B3GALNT2: variants seen among roughly 807,000 people sequenced by gnomAD.
B3GALNT2 encodes UDP-GalNAc:beta-1,3-N-acetylgalactosaminyltransferase 2.
In B3GALNT2, 53 loss-of-function variants were observed where a neutral mutation model predicts 61.1. The observed-to-expected ratio is 0.87, with a 90% CI of 0.70 to 1.09. The LOEUF is 1.09. Ranked by LOEUF, B3GALNT2 falls within the 50% of genes least tolerant of loss-of-function variation. B3GALNT2 has a pLI of 0.00. For synonymous variants in B3GALNT2, 223 were observed against 237.4 expected, an observed-to-expected ratio of 0.94 and a Z score of 0.56; for missense variants, 544 against 623.0, an observed-to-expected ratio of 0.87 and a Z score of 1.35.
chr1:235,474,963 ATATATATATATATATATATATATAT>A (rs1281653147), intron 5 of B3GALNT2, among the ~76,000 whole-genome samples: 2 of 23,418 alleles, frequency 8.5e-5, no homozygotes, highest in Non-Finnish European at 1.5e-4. Flanking sequence ...ATATATATAT[ATATATATATATATATATATATATAT>A]TTTTTTTTTT....
At position 235,450,197 on chromosome 1, in the gene B3GALNT2, A is replaced by G; in HGVS notation, c.*9T>C. Reference sequence around the variant, plus strand: ...CCCTGATTTTAGACTCTGCTAATTCAAGTCCCTGTTATCTTGCTTGACATC... The same window carrying G: ...CCCTGATTTTAGACTCTGCTAATTCGAGTCCCTGTTATCTTGCTTGACATC... On this transcript the variant is annotated 3_prime_UTR_variant, in exon 12 of 12. Transcript: ENST00000366600. 6.2e-7 allele frequency: 1 copy of G among 1,614,086 alleles called. No homozygotes were observed.
At chr1:235,494,132 AT>A (rs1685201852) in intron 2 of B3GALNT2, among the ~76,000 whole-genome samples, 1 of 152,242 alleles carries the variant, frequency 6.6e-6, no homozygotes, top group Admixed American at 6.5e-5. Context: ...ACTGAAAAAA[AT>A]TAAATTTATC....
chr1:235,474,979 ATATATATATTTT>A (rs1485932794), intron 5 of B3GALNT2, among the ~76,000 whole-genome samples: 42 of 33,620 alleles, frequency 1.2e-3, no homozygotes, highest in African/African-American at 7.4e-3. Flanking sequence ...ATATATATAT[ATATATATATTTT>A]TTTTTTTTTT....
intron 1 of B3GALNT2, among the ~76,000 whole-genome samples, chr1:235,500,327 T>TA (rs1230326551): frequency 6.6e-6 from 1 of 152,124 alleles, no homozygotes; most frequent in East Asian, 1.9e-4. Flanking sequence ...ACGCAGTCTC[T>TA]ACTAATAATA....
downstream of B3GALNT2, among the ~76,000 whole-genome samples, chr1:235,447,000 A>AACTT (rs1170145823): frequency 7.2e-5 from 11 of 152,216 alleles, no homozygotes; most frequent in South Asian, 1.9e-3. Flanking sequence ...TTTATGACCA[A>AACTT]ACTTTTTGTT....
At chr1:235,488,421 T>C (rs1211608536) in intron 3 of B3GALNT2, among the ~76,000 whole-genome samples, 1 of 152,028 alleles carries the variant, frequency 6.6e-6, no homozygotes, top group Non-Finnish European at 1.5e-5. Context: ...TGGTGGCTCA[T>C]GCCTGTAATC....
chr1:235,478,229 T>G (rs1572527031), intron 5 of B3GALNT2, among the ~76,000 whole-genome samples: 2 of 152,116 alleles, frequency 1.3e-5, no homozygotes, highest in Non-Finnish European at 2.9e-5. Flanking sequence ...ATTTTTGTAT[T>G]TTTAGTAGAG....
chr1:235,471,969 TAA>T (rs58278357), intron 5 of B3GALNT2, among the ~76,000 whole-genome samples: 65 of 142,130 alleles, frequency 4.6e-4, no homozygotes, highest in Non-Finnish European at 4.5e-4. Flanking sequence ...TGCCTGAATT[TAA>T]AAAAAAAAAA....
chr1:235,441,552 C>T, the B3GALNT2 span: 1 of 504,522 alleles, frequency 2.0e-6, no homozygotes, highest in Non-Finnish European at 3.6e-6. Context: ...CATTTGTTGT[C>T]TTTTGTTGAG....
At position 235,450,144 on chromosome 1, in the gene B3GALNT2, G is replaced by A; in HGVS notation, c.*62C>T. On this transcript the variant is annotated 3_prime_UTR_variant, in exon 12 of 12. Coordinates refer to ENST00000366600, the MANE Select transcript of B3GALNT2 (RefSeq NM_152490.5). ...TACTGCTAAACCCTGGGACTCCTCA[G>A]ACTTGCACTCAGATTATCGTTTGCC... is the stretch of plus-strand genomic sequence containing the variant. 1.9e-6 allele frequency: 3 copies of A among 1,593,286 alleles called. No homozygotes were observed. The highest frequency in any genetic ancestry group is 2.6e-6 in the Non-Finnish European group (3 of 1,162,644).
intron 7 of B3GALNT2, among the ~76,000 whole-genome samples, chr1:235,460,404 A>C (rs911621718): frequency 6.6e-6 from 1 of 151,468 alleles, no homozygotes; most frequent in African/African-American, 2.4e-5. Flanking sequence ...TCAGCCTCCC[A>C]AAGTGCTAAG....
chr1:235,462,885 C>A (rs1683496477), intron 7 of B3GALNT2, among the ~76,000 whole-genome samples: 1 of 152,102 alleles, frequency 6.6e-6, no homozygotes, highest in African/African-American at 2.4e-5. Context: ...TCCAGCGATC[C>A]CATTAGGAAA....
intron 7 of B3GALNT2, among the ~76,000 whole-genome samples, chr1:235,462,531 A>T (rs971431118): frequency 1.3e-5 from 2 of 152,252 alleles, no homozygotes; most frequent in African/African-American, 4.8e-5. Flanking sequence ...TGCAGCACAC[A>T]GATCAATCAC....
chr1:235,445,321 A>G (rs1369082394), downstream of B3GALNT2, among the ~76,000 whole-genome samples: 1 of 152,224 alleles, frequency 6.6e-6, no homozygotes, highest in African/African-American at 2.4e-5. Flanking sequence ...TAACATAGGT[A>G]AATGTCTTCT....
chr1:235,489,913 A>G (rs1684984101), intron 2 of B3GALNT2, among the ~76,000 whole-genome samples: 1 of 152,224 alleles, frequency 6.6e-6, no homozygotes, highest in South Asian at 2.1e-4. Flanking sequence ...CACCACCTCC[A>G]CTGAGATTCC....
At chr1:235,443,225 A>T (rs1682024387), downstream of B3GALNT2, among the ~76,000 whole-genome samples, 1 of 151,896 alleles carries the variant, frequency 6.6e-6, no homozygotes, top group African/African-American at 2.4e-5. Context: ...TTTTTGAGAC[A>T]GGGCCTCACT....
chr1:235,491,957 G>T (rs1206523814), intron 2 of B3GALNT2, among the ~76,000 whole-genome samples: 1 of 152,060 alleles, frequency 6.6e-6, no homozygotes. Context: ...AACACCCCGG[G>T]CTATTTTATA....
chr1:235,476,534 G>A (rs1052003132), intron 5 of B3GALNT2, among the ~76,000 whole-genome samples: 2 of 151,426 alleles, frequency 1.3e-5, no homozygotes, highest in Admixed American at 6.6e-5. Flanking sequence ...CCAACATAGC[G>A]ACACACCCAT....
rs1443841724 is a variant in B3GALNT2, at chr1:235,484,466, C to T, written c.411G>A (p.Ser137=). The change falls in exon 4 of 12, where the codon TCG becomes TCA. Residue 137 remains serine (S), a synonymous_variant. Transcript: ENST00000366600. ...TGACAACTCGATCCTCAGGCAGCCC[C>T]GATGAAGTGTCTTCGGACAGACTGA... ...EAFSLSEDTS[S]GLPEDRVVSV... 8.1e-6 allele frequency: 13 copies of T among 1,613,986 alleles called. No homozygotes were observed. The highest frequency in any genetic ancestry group is 3.3e-5 in the South Asian group (3 of 91,082).
Sources: gnomAD v4.1 joint callset for allele counts (sites outside exome capture counted in the v4.1 genomes callset) on GRCh38, gnomAD v4.1.1 for gene constraint, MANE v1.5 for transcripts, NCBI Gene and HGNC (gene_info 2026-07-23, HGNC 2026-07-21) for gene names.